Variants in MYO1D observed in about 807,000 individuals in gnomAD.
The protein encoded by MYO1D is unconventional myosin-Id.
A neutral mutation model predicts 122.0 loss-of-function variants in MYO1D; 83 were observed. The observed-to-expected ratio is 0.68, with a 90% CI of 0.57 to 0.82. The LOEUF (loss-of-function observed/expected upper bound fraction) is 0.82. Among genes scored for constraint, MYO1D ranks in the 40% least tolerant of loss-of-function variants. The pLI is 0.00. For missense variants in MYO1D, 1,157 were observed against 1,269.5 expected (o/e 0.91, Z 1.35); for synonymous variants, 464 against 446.9 (o/e 1.04, Z -0.48).
intron 1 of MYO1D, among the ~76,000 whole-genome samples, chr17:32,845,618 T>C (rs2090929825): frequency 6.6e-6 from 1 of 152,160 alleles, no homozygotes; most frequent in South Asian, 2.1e-4. Context: ...AGTGACAGCG[T>C]TGTCCTGCAT....
At chr17:32,810,555 G>A (rs1172735065) in intron 1 of MYO1D, among the ~76,000 whole-genome samples, 3 of 150,218 alleles carry the variant, frequency 2.0e-5, no homozygotes, top group South Asian at 2.1e-4. Context: ...CTGGCTCACC[G>A]CAATCTCTGC....
At chr17:32,760,988 T>C (rs553139089) in intron 8 of MYO1D, among the ~76,000 whole-genome samples, 6 of 152,348 alleles carry the variant, frequency 3.9e-5, no homozygotes, top group African/African-American at 1.2e-4. Context: ...AGTTGAGAGC[T>C]AGTGAGTTAA....
chr17:32,780,976 A>G (rs906757275), intron 1 of MYO1D, among the ~76,000 whole-genome samples, 192 bp from the exon 2 acceptor site: 10 of 152,194 alleles, frequency 6.6e-5, no homozygotes, highest in African/African-American at 2.4e-4. Context: ...ATTGGTAGAA[A>G]AGACCAGTAG....
At chr17:32,779,197 A>T (rs1285548753) in intron 2 of MYO1D, among the ~76,000 whole-genome samples, 2 of 152,158 alleles carry the variant, frequency 1.3e-5, no homozygotes, top group Non-Finnish European at 2.9e-5. Flanking sequence ...ACTGGTAGAA[A>T]TTTCTCCTAA....
At chr17:32,860,805 A>G (rs1338780816) in intron 1 of MYO1D, among the ~76,000 whole-genome samples, 4 of 152,210 alleles carry the variant, frequency 2.6e-5, no homozygotes, top group African/African-American at 9.7e-5. Context: ...CATCTATACA[A>G]CAGTGAGGAA....
intron 1 of MYO1D, among the ~76,000 whole-genome samples, chr17:32,829,272 G>C (rs887447582): frequency 6.6e-6 from 1 of 152,072 alleles, no homozygotes; most frequent in African/African-American, 2.4e-5. Context: ...CCACCTTTTG[G>C]GACAGATATT....
intron 1 of MYO1D, among the ~76,000 whole-genome samples, chr17:32,875,724 A>G (rs1028882905): frequency 1.3e-5 from 2 of 152,196 alleles, no homozygotes; most frequent in Non-Finnish European, 2.9e-5. Flanking sequence ...TGACAGGGGT[A>G]GTTAATAATG....
chr17:32,600,950 T>C (rs1238542190), intron 21 of MYO1D, among the ~76,000 whole-genome samples: 4 of 150,346 alleles, frequency 2.7e-5, no homozygotes, highest in Non-Finnish European at 4.4e-5. Flanking sequence ...CTTTTTCTTT[T>C]CCCTTTTTTT....
At chr17:32,542,718 T>G (rs1173553637) in intron 21 of MYO1D, among the ~76,000 whole-genome samples, 1 of 152,012 alleles carries the variant, frequency 6.6e-6, no homozygotes, top group Non-Finnish European at 1.5e-5. Context: ...TATTTCCTGA[T>G]CAATATATGA....
At chr17:32,586,740 G>C (rs1159275472) in intron 21 of MYO1D, among the ~76,000 whole-genome samples, 2 of 152,142 alleles carry the variant, frequency 1.3e-5, no homozygotes, top group Non-Finnish European at 2.9e-5. Flanking sequence ...TTTTGCATCT[G>C]TGTTCACATT....
intron 21 of MYO1D, among the ~76,000 whole-genome samples, chr17:32,511,285 A>T (rs1410915628): frequency 6.6e-6 from 1 of 151,032 alleles, no homozygotes; most frequent in East Asian, 2.0e-4. Flanking sequence ...GTGTTGTGGC[A>T]TGATCATAGT....
intron 8 of MYO1D, among the ~76,000 whole-genome samples, chr17:32,763,196 A>C (rs1166534591): frequency 1.3e-5 from 2 of 152,040 alleles, no homozygotes. Flanking sequence ...AAAAAAAAAA[A>C]AAGGCAAACT....
intron 16 of MYO1D, among the ~76,000 whole-genome samples, chr17:32,662,223 A>G (rs2088575421): frequency 6.6e-6 from 1 of 152,216 alleles, no homozygotes; most frequent in Non-Finnish European, 1.5e-5. Flanking sequence ...CTTTCAAGAA[A>G]AGGTGTATGG....
intron 1 of MYO1D, among the ~76,000 whole-genome samples, chr17:32,808,007 T>C (rs1376786052): frequency 6.6e-6 from 1 of 152,230 alleles, no homozygotes; most frequent in African/African-American, 2.4e-5. Flanking sequence ...CTATTGTTAC[T>C]ATAAACAATG....
chr17:32,832,593 C>T (rs886834295), intron 1 of MYO1D, among the ~76,000 whole-genome samples: 9 of 152,020 alleles, frequency 5.9e-5, no homozygotes, highest in South Asian at 2.1e-4. Flanking sequence ...CCACTGGGCC[C>T]GGCTCCTAAT....
intron 19 of MYO1D, among the ~76,000 whole-genome samples, chr17:32,651,298 C>A (rs1815155989): frequency 6.6e-6 from 1 of 152,188 alleles, no homozygotes; most frequent in South Asian, 2.1e-4. Context: ...GTTATTTCCT[C>A]ATATGCACAT....
chr17:32,836,674 C>T (rs2090827810), intron 1 of MYO1D, among the ~76,000 whole-genome samples: 1 of 152,074 alleles, frequency 6.6e-6, no homozygotes, highest in Admixed American at 6.5e-5. Context: ...TATCACCATA[C>T]AGTATTCTAT....
At chr17:32,575,034 G>A (rs909298357) in intron 21 of MYO1D, among the ~76,000 whole-genome samples, 2 of 152,188 alleles carry the variant, frequency 1.3e-5, no homozygotes, top group Admixed American at 6.5e-5. Context: ...AATCGTGGGA[G>A]CTGATGGGAA....
At chr17:32,606,140 A>G (rs962711917) in intron 20 of MYO1D, among the ~76,000 whole-genome samples, 1 of 152,198 alleles carries the variant, frequency 6.6e-6, no homozygotes, top group Non-Finnish European at 1.5e-5. Context: ...GAGTCACAAA[A>G]TACTAAAACT....
Sources: gnomAD v4.1 joint callset for allele counts (sites outside exome capture counted in the v4.1 genomes callset) on GRCh38, gnomAD v4.1.1 for gene constraint, MANE v1.5 for transcripts, NCBI Gene and HGNC (gene_info 2026-07-23, HGNC 2026-07-21) for gene names.